Variants in FOXN3 observed in about 807,000 individuals in gnomAD.
FOXN3 encodes the protein forkhead box N3, also known as forkhead box protein N3.
FOXN3 carries 7 observed loss-of-function variants against 38.4 expected under a neutral mutation model. The ratio of observed to expected loss-of-function variants is 0.18; its 90% CI spans 0.10 to 0.34. FOXN3 has a LOEUF of 0.34. Among genes scored for constraint, FOXN3 ranks in the 10% least tolerant of loss-of-function variants. FOXN3 has a pLI of 1.00. For synonymous variants in FOXN3, 230 were observed against 242.2 expected (o/e 0.95, Z 0.47); for missense variants, 456 against 613.4 (o/e 0.74, Z 2.71).
At chr14:89,238,009 T>C (rs1254550642) in intron 4 of FOXN3, among the ~76,000 whole-genome samples, 1 of 152,232 alleles carries the variant, frequency 6.6e-6, no homozygotes, top group African/African-American at 2.4e-5. Flanking sequence ...TGCTCCAGCC[T>C]TTTAAGTCAG....
At chr14:89,374,978 GA>G (rs71460268) in intron 2 of FOXN3, among the ~76,000 whole-genome samples, 14,151 of 87,396 alleles carry the variant, frequency 0.16, 942 homozygotes, top group East Asian at 0.5. Context: ...CTCCGTCTCA[GA>G]AAAAAAAAAA....
chr14:89,593,765 C>T (rs539723842), intron 1 of FOXN3, among the ~76,000 whole-genome samples: 1 of 152,296 alleles, frequency 6.6e-6, no homozygotes, highest in South Asian at 2.1e-4. Flanking sequence ...GCAGGCCACA[C>T]TCCCAGCTAA....
At chr14:89,465,306 T>C (rs7143177) in intron 1 of FOXN3, among the ~76,000 whole-genome samples, 6,326 of 152,260 alleles carry the variant, frequency 0.042, 426 homozygotes, top group African/African-American at 0.14. Flanking sequence ...CTTGGCTCAC[T>C]GCAACCTCCG....
chr14:89,162,081 A>C lies in FOXN3; in HGVS notation c.*333T>G, dbSNP rs1428259957. The C allele has an allele frequency of 5.0e-6, 1 of 199,228 alleles. No individual in the cohort carries two copies. The highest frequency in any genetic ancestry group is 1.0e-5 in the Non-Finnish European group (1 of 99,066). 12.3% of individuals were successfully genotyped at this position (199,228 alleles called of 1,614,324 possible). On this transcript the variant is annotated 3_prime_UTR_variant, in exon 6 of 6. Coordinates refer to ENST00000557258, the MANE Select transcript of FOXN3 (RefSeq NM_005197.4). This position sits in a 1 kb window ranked among gnomAD's most constrained non-coding sequence, Gnocchi z 7.2. Reference sequence around the variant, plus strand: ...GATATTGACGTTGACATCCCTGCGGATTCAGCCACAGGTTTCTGACAAGCT... The same window carrying C: ...GATATTGACGTTGACATCCCTGCGGCTTCAGCCACAGGTTTCTGACAAGCT...
chr14:89,268,010 T>G (rs192933578), intron 4 of FOXN3, among the ~76,000 whole-genome samples: 36 of 152,276 alleles, frequency 2.4e-4, no homozygotes, highest in African/African-American at 8.7e-4. Flanking sequence ...AAATCCTTCA[T>G]AATAATACAT....
intron 3 of FOXN3, among the ~76,000 whole-genome samples, chr14:89,325,229 CCA>C (rs1888019746): frequency 3.5e-5 from 4 of 112,710 alleles, no homozygotes; most frequent in Admixed American, 8.3e-5. Flanking sequence ...ACCACCACCA[CCA>C]TCACTACCAC....
intron 2 of FOXN3, among the ~76,000 whole-genome samples, chr14:89,364,139 A>C (rs970306427): frequency 3.3e-5 from 5 of 151,008 alleles, no homozygotes; most frequent in South Asian, 4.2e-4. Flanking sequence ...AGCCAAGTAC[A>C]TAAAAGAGGG....
chr14:89,618,151 C>T (rs1232881248), intron 1 of FOXN3, among the ~76,000 whole-genome samples: 2 of 152,196 alleles, frequency 1.3e-5, no homozygotes, highest in African/African-American at 4.8e-5. Flanking sequence ...GGGTGAGGCA[C>T]ATTTTACATT....
chr14:89,325,292 CCAA>C (rs1888031008), intron 3 of FOXN3, among the ~76,000 whole-genome samples: 5 of 138,912 alleles, frequency 3.6e-5, no homozygotes, highest in Admixed American at 7.3e-5. Flanking sequence ...ACCAACACCA[CCAA>C]CACCAACACC....
intron 4 of FOXN3, among the ~76,000 whole-genome samples, chr14:89,258,634 T>A (rs1254676417): frequency 1.3e-5 from 2 of 152,246 alleles, no homozygotes; most frequent in African/African-American, 2.4e-5. Context: ...TGTAAGCAGC[T>A]TTTTTCAGAA....
intron 3 of FOXN3, chr14:89,284,466 TG>T: frequency 2.2e-6 from 1 of 456,090 alleles, no homozygotes; most frequent in Non-Finnish European, 4.4e-6. Context: ...ATTTCATTTC[TG>T]ATCTTCCAGC....
At chr14:89,549,098 G>A (rs1033305613) in intron 1 of FOXN3, among the ~76,000 whole-genome samples, 2 of 149,782 alleles carry the variant, frequency 1.3e-5, no homozygotes, top group African/African-American at 4.9e-5. Context: ...CAGCCTTGGC[G>A]ACAGAGTGAG....
intron 2 of FOXN3, among the ~76,000 whole-genome samples, chr14:89,352,304 T>G (rs1190183504): frequency 6.6e-6 from 1 of 152,150 alleles, no homozygotes; most frequent in Non-Finnish European, 1.5e-5. Flanking sequence ...AAACCCAGAA[T>G]AGTTCAGGGG....
Position 89,162,540 on chromosome 14 carries a change from A to T in FOXN3, c.1281T>A (p.Asp427Glu), listed in dbSNP as rs748336970. The T allele has an allele frequency of 6.2e-6, 10 of 1,608,242 alleles. No individual in the cohort carries two copies. The Admixed American group carries it at 1.0e-4, about 16-fold the overall frequency. ...CTGCCGCTTCTTTCATCTCCTCATCATCGCTCTCGGGGGGCTTTTCGGTGC... is the reference window on the plus strand; with the variant it reads ...CTGCCGCTTCTTTCATCTCCTCATCTTCGCTCTCGGGGGGCTTTTCGGTGC... ...KRRTEKPPES[D>E]DEEMKEAAGS... The change falls in exon 6 of 6, where the codon GAT becomes GAA. Residue 427 changes from aspartate (D) to glutamate (E), a missense_variant. Physicochemically the swap from Asp to Glu is conservative, Grantham distance 45. This residue lies in a region of FOXN3 where 386 missense variants were observed against 505.2 expected (regional missense o/e 0.76). Coordinates refer to ENST00000557258, the MANE Select transcript of FOXN3 (RefSeq NM_005197.4). This position sits in a 1 kb window ranked among gnomAD's most constrained non-coding sequence, Gnocchi z 7.2.
At chr14:89,294,430 T>C (rs1886974121) in intron 3 of FOXN3, among the ~76,000 whole-genome samples, 1 of 152,186 alleles carries the variant, frequency 6.6e-6, no homozygotes. Context: ...GTTTGGTGGC[T>C]ACAGAAGTGT....
At chr14:89,545,417 G>A (rs1008082776) in intron 1 of FOXN3, among the ~76,000 whole-genome samples, 13 of 152,200 alleles carry the variant, frequency 8.5e-5, no homozygotes, top group Non-Finnish European at 1.5e-4. Context: ...AAACCAAACT[G>A]TGCCTACTGG....
chr14:89,505,326 CCGAGGCTGG>C (rs1566678476), intron 1 of FOXN3, among the ~76,000 whole-genome samples: 1 of 149,900 alleles, frequency 6.7e-6, no homozygotes, highest in African/African-American at 2.5e-5. Context: ...TGATGCCGAG[CCGAGGCTGG>C]ACTGTGCTGC....
Position 89,451,257 on chromosome 14 carries a change from G to A in FOXN3, c.-14-38767C>T, listed in dbSNP as rs984010376. ...TGACACCCAAGGAGGTATGGTAGCCGGGCCCCCTACCATCAATCCAGCCTT... is the reference window on the plus strand; with the variant it reads ...TGACACCCAAGGAGGTATGGTAGCCAGGCCCCCTACCATCAATCCAGCCTT... On this transcript the variant is annotated intron_variant, in intron 1 of 6. Coordinates refer to the FOXN3 transcript ENST00000345097. 5.3e-5 allele frequency among the ~76,000 whole-genome samples: 8 copies of A among 152,114 alleles called. No homozygotes were observed. The East Asian group carries it at 5.8e-4, about 11-fold the overall frequency.
In FOXN3 at chr14:89,330,613, A is replaced by G. The variant is rs577952221; in HGVS notation, c.680+20059T>C. ...TGTTTATGGGTTAAGGCTAAAGACCAACTGATGAAAGGGGTGAGACCAAAA... is the reference window on the plus strand; with the variant it reads ...TGTTTATGGGTTAAGGCTAAAGACCGACTGATGAAAGGGGTGAGACCAAAA... On this transcript the variant is annotated intron_variant, in intron 3 of 5. Coordinates refer to ENST00000557258, the MANE Select transcript of FOXN3 (RefSeq NM_005197.4). 2.6e-5 allele frequency among the ~76,000 whole-genome samples: 4 copies of G among 152,386 alleles called. No homozygotes were observed. In the South Asian group the frequency reaches 8.3e-4, roughly 32 times the overall value.
Sources: allele counts gnomAD v4.1 joint callset (sites outside exome capture counted in the v4.1 genomes callset), GRCh38; gene constraint gnomAD v4.1.1; regional missense constraint gnomAD v4.1.1; non-coding constraint Gnocchi (gnomAD v3.1); transcripts MANE v1.5; gene names NCBI Gene and HGNC (gene_info 2026-07-23, HGNC 2026-07-21).